Variants in DPP6 observed in about 807,000 individuals in gnomAD.
The protein encoded by DPP6 is A-type potassium channel modulatory protein DPP6.
In DPP6, 69 loss-of-function variants were observed where a neutral mutation model predicts 122.6. That is an observed-to-expected ratio of 0.56 (90% CI 0.46 to 0.69). The LOEUF (loss-of-function observed/expected upper bound fraction) is 0.69. Among genes scored for constraint, DPP6 ranks in the 30% least tolerant of loss-of-function variants. The pLI is 0.00. For missense variants in DPP6, 928 were observed against 1,116.9 expected, an observed-to-expected ratio of 0.83 and a Z score of 2.41; for synonymous variants, 418 against 433.1, an observed-to-expected ratio of 0.97 and a Z score of 0.43.
chr7:154,734,493 TG>T, intron 8 of DPP6, among the ~76,000 whole-genome samples: 1 of 152,350 alleles, frequency 6.6e-6, no homozygotes, highest in Admixed American at 6.5e-5. Flanking sequence ...ACCATACTGA[TG>T]TTTTTTAAAT....
chr7:154,057,809 G>GA (rs1316513257), intron 1 of DPP6: 10 of 150,696 alleles, frequency 6.6e-5, no homozygotes, highest in Non-Finnish European at 1.3e-4. Flanking sequence ...CTTTTCCATT[G>GA]TATGCGTCAG....
chr7:154,431,466 CTT>C (rs144111008), intron 1 of DPP6, among the ~76,000 whole-genome samples: 2 of 13,696 alleles, frequency 1.5e-4, no homozygotes, highest in Admixed American at 1.5e-3. Context: ...CTTTTCTTTT[CTT>C]TTCTTTTCTT....
intron 1 of DPP6, among the ~76,000 whole-genome samples, chr7:154,330,621 A>G (rs1407741076): frequency 6.6e-6 from 1 of 152,194 alleles, no homozygotes; most frequent in Non-Finnish European, 1.5e-5. Flanking sequence ...AATTTTCAAC[A>G]ATGGAGCAAA....
intron 2 of DPP6, among the ~76,000 whole-genome samples, chr7:154,460,735 G>T (rs777386846): frequency 6.6e-6 from 1 of 152,062 alleles, no homozygotes; most frequent in Admixed American, 6.6e-5. Context: ...TAGTAGGTAT[G>T]TATATTTATG....
At chr7:154,807,145 C>A in intron 16 of DPP6, 33 bp downstream of exon 16, 1 of 1,605,456 alleles carries the variant, frequency 6.2e-7, no homozygotes, top group Non-Finnish European at 8.5e-7. Context: ...GGGCAAAGAG[C>A]CCTGGCAGGC....
At chr7:154,131,099 G>T (rs552852624) in intron 1 of DPP6, among the ~76,000 whole-genome samples, 15 of 152,174 alleles carry the variant, frequency 9.9e-5, no homozygotes, top group Middle Eastern at 6.8e-3. Context: ...GGAGAGGGTG[G>T]GTTAGATCTC....
At chr7:154,709,548 A>G (rs1157361979) in intron 7 of DPP6, among the ~76,000 whole-genome samples, 2 of 150,204 alleles carry the variant, frequency 1.3e-5, no homozygotes, top group African/African-American at 4.9e-5. Context: ...GGTATTTTGT[A>G]TATGTGTGAG....
chr7:153,932,863 A>G (rs1337159952), intron 1 of DPP6, among the ~76,000 whole-genome samples: 1 of 152,152 alleles, frequency 6.6e-6, no homozygotes, highest in Non-Finnish European at 1.5e-5. Flanking sequence ...CGTGAATTGT[A>G]GCTCCCATAA....
At chr7:154,438,954 G>A (rs1294645936) in intron 1 of DPP6, among the ~76,000 whole-genome samples, 5 of 152,158 alleles carry the variant, frequency 3.3e-5, no homozygotes, top group African/African-American at 1.2e-4. Context: ...GCCCATGGGT[G>A]GAGGAGGAGG....
intron 1 of DPP6, among the ~76,000 whole-genome samples, chr7:153,963,231 G>A (rs892506545): frequency 6.6e-6 from 1 of 151,968 alleles, no homozygotes; most frequent in African/African-American, 2.4e-5. Context: ...TCCAAGGGTA[G>A]GGGAGTTGAG....
intron 8 of DPP6, among the ~76,000 whole-genome samples, chr7:154,731,696 A>C (rs1037822821): frequency 6.6e-6 from 1 of 152,244 alleles, no homozygotes; most frequent in Non-Finnish European, 1.5e-5. Flanking sequence ...TTCTTCTGGG[A>C]AAATGTCATA....
chr7:154,137,379 C>G (rs1261374997), intron 1 of DPP6, among the ~76,000 whole-genome samples: 1 of 151,842 alleles, frequency 6.6e-6, no homozygotes, highest in East Asian at 1.9e-4. Context: ...CCATTTGAGT[C>G]ACCTTCTCTA....
At chr7:154,319,833 A>G (rs4725535) in intron 1 of DPP6, among the ~76,000 whole-genome samples, 13,566 of 149,682 alleles carry the variant, frequency 0.091, 1,439 homozygotes, top group African/African-American at 0.26. Context: ...TCTACTAACA[A>G]TACAAAAATT....
chr7:154,851,337 C>T (rs6597430), intron 16 of DPP6, among the ~76,000 whole-genome samples: 31,898 of 152,100 alleles, frequency 0.21, 3,827 homozygotes, highest in African/African-American at 0.34. Flanking sequence ...AAATATCTAA[C>T]AGCATGCCTT....
chr7:154,686,390 A>G (rs1297065854), intron 7 of DPP6, among the ~76,000 whole-genome samples: 1 of 150,122 alleles, frequency 6.7e-6, no homozygotes, highest in East Asian at 1.9e-4. Flanking sequence ...ATATTTGTAT[A>G]TTTGTATTCA....
chr7:154,675,998 G>A lies in DPP6; in HGVS notation c.762+6557G>A, dbSNP rs1431534850. 2.0e-5 allele frequency among the ~76,000 whole-genome samples: 3 copies of A among 152,362 alleles called. No individual in the cohort carries two copies. The East Asian group carries it at 5.8e-4, about 29-fold the overall frequency. The stretch of plus-strand genomic sequence containing the variant: ...CGTACTTGCTTGATACAGGGCCCAT[G>A]AGGCCAATCCAGCTCTGAGAAAAAC... On this transcript the variant is annotated intron_variant, in intron 7 of 25. Coordinates refer to ENST00000377770, the MANE Select transcript of DPP6 (RefSeq NM_130797.4).
At chr7:154,388,902 T>C (rs1814361541) in intron 1 of DPP6, among the ~76,000 whole-genome samples, 1 of 152,218 alleles carries the variant, frequency 6.6e-6, no homozygotes, top group Admixed American at 6.5e-5. Context: ...GTCAAAGATG[T>C]ATGTCTTATT....
chr7:154,655,057 C>G (rs1837149935), intron 6 of DPP6, among the ~76,000 whole-genome samples: 1 of 152,132 alleles, frequency 6.6e-6, no homozygotes, highest in South Asian at 2.1e-4. Flanking sequence ...TCTTTTAGAA[C>G]TGGGAGTGTA....
chr7:154,420,120 T>C (rs1388386746), intron 1 of DPP6, among the ~76,000 whole-genome samples: 1 of 152,204 alleles, frequency 6.6e-6, no homozygotes, highest in East Asian at 1.9e-4. Flanking sequence ...GCGGACCACC[T>C]GAGGTCAGGA....
Sources: allele counts gnomAD v4.1 joint callset (sites outside exome capture counted in the v4.1 genomes callset), GRCh38; gene constraint gnomAD v4.1.1; transcripts MANE v1.5; gene names NCBI Gene and HGNC (gene_info 2026-07-23, HGNC 2026-07-21).